DNAJC10: variants seen among roughly 807,000 people sequenced by gnomAD.
DNAJC10 encodes the protein endoplasmic reticulum disulfide reductase DNAJC10.
A neutral mutation model predicts 115.0 loss-of-function variants in DNAJC10; 101 were observed. That is an observed-to-expected ratio of 0.88 (90% CI 0.75 to 1.04). The LOEUF (loss-of-function observed/expected upper bound fraction) is 1.04. DNAJC10 is among the 50% of genes least tolerant of loss of function. DNAJC10 has a pLI of 0.00. For missense variants in DNAJC10, 981 were observed against 928.8 expected (o/e 1.06, Z -0.73); for synonymous variants, 307 against 301.5 (o/e 1.02, Z -0.19).
At chr2:182,769,266 A>C (rs1342860229) in intron 22 of DNAJC10, among the ~76,000 whole-genome samples, 1 of 152,110 alleles carries the variant, frequency 6.6e-6, no homozygotes, top group Non-Finnish European at 1.5e-5. Flanking sequence ...TGCTATTGTG[A>C]ATAGTGCTGC....
chr2:182,739,619 CAAAT>C (rs1409117982), intron 11 of DNAJC10: 1 of 1,138,288 alleles, frequency 8.8e-7, no homozygotes, highest in African/African-American at 1.6e-5. Flanking sequence ...AAAATATTGA[CAAAT>C]AAAGAAGATT....
At chr2:182,736,089 A>G (rs1297319203) in intron 10 of DNAJC10, among the ~76,000 whole-genome samples, 160 bp from the exon 11 acceptor site, 3 of 149,180 alleles carry the variant, frequency 2.0e-5, no homozygotes, top group Non-Finnish European at 4.5e-5. Flanking sequence ...TAAGTAATTT[A>G]TAATATTAGA....
chr2:182,756,799 T>C (rs1449993698), intron 18 of DNAJC10, among the ~76,000 whole-genome samples: 1 of 152,060 alleles, frequency 6.6e-6, no homozygotes, highest in Non-Finnish European at 1.5e-5. Flanking sequence ...CCACCACGCC[T>C]AGCTAATTTT....
chr2:182,741,773 T>C (rs1171829075), intron 13 of DNAJC10, among the ~76,000 whole-genome samples: 1 of 152,194 alleles, frequency 6.6e-6, no homozygotes, highest in Non-Finnish European at 1.5e-5. Flanking sequence ...ATGTATTTAC[T>C]CTATATAACC....
At chr2:182,717,445 A>G (rs1330174873) in intron 2 of DNAJC10, among the ~76,000 whole-genome samples, 4 of 151,722 alleles carry the variant, frequency 2.6e-5, no homozygotes, top group African/African-American at 7.3e-5. Context: ...TTATAACAAT[A>G]TATTTCACTG....
At chr2:182,730,544 A>G (rs1321543400) in intron 8 of DNAJC10, 1 of 453,540 alleles carries the variant, frequency 2.2e-6, no homozygotes, top group South Asian at 1.6e-5. Flanking sequence ...AGCTTAAGGG[A>G]GCATAAGATG....
At chr2:182,770,448 C>T (rs1050643706) in intron 22 of DNAJC10, among the ~76,000 whole-genome samples, 1 of 152,172 alleles carries the variant, frequency 6.6e-6, no homozygotes, top group African/African-American at 2.4e-5. Context: ...TATCCATTAG[C>T]ATGGAATATT....
At chr2:182,762,604 T>G in intron 21 of DNAJC10, 78 bp from the exon 22 acceptor site, 1 of 1,426,012 alleles carries the variant, frequency 7.0e-7, no homozygotes, top group Non-Finnish European at 9.7e-7. Context: ...TTCAAAATGT[T>G]TTATATCCTA....
intron 22 of DNAJC10, among the ~76,000 whole-genome samples, chr2:182,772,266 A>T (rs1427479207): frequency 6.6e-6 from 1 of 152,152 alleles, no homozygotes; most frequent in Non-Finnish European, 1.5e-5. Context: ...GAATAAGTGC[A>T]GTGTAGTTCT....
chr2:182,776,442 C>T (rs559008991), intron 23 of DNAJC10, among the ~76,000 whole-genome samples: 3 of 152,272 alleles, frequency 2.0e-5, no homozygotes, highest in African/African-American at 4.8e-5. Flanking sequence ...AACAAAGAGT[C>T]TATGAATGTT....
chr2:182,721,749 A>G (rs1693154852), intron 4 of DNAJC10, among the ~76,000 whole-genome samples: 1 of 152,104 alleles, frequency 6.6e-6, no homozygotes, highest in Non-Finnish European at 1.5e-5. Flanking sequence ...ACCATAATAT[A>G]AATTTTATAT....
intron 14 of DNAJC10, among the ~76,000 whole-genome samples, chr2:182,750,500 A>T (rs1693987787): frequency 6.6e-6 from 1 of 152,188 alleles, no homozygotes; most frequent in Admixed American, 6.6e-5. Flanking sequence ...GAGGAAAATA[A>T]CACAGCCTCA....
chr2:182,772,816 AT>A (rs1250422358), intron 22 of DNAJC10, among the ~76,000 whole-genome samples: 1 of 152,154 alleles, frequency 6.6e-6, no homozygotes, highest in Non-Finnish European at 1.5e-5. Context: ...GTGTCTTTTA[AT>A]TGGGGCATTT....
At position 182,751,699 on chromosome 2, in the gene DNAJC10, A is replaced by G; in HGVS notation, c.1348A>G (p.Ser450Gly). The change falls in exon 15 of 24, where the codon AGT becomes GGT. Residue 450 changes from serine to glycine, a missense_variant. Ser to Gly is a moderately conservative substitution (Grantham distance 56, BLOSUM62 0). Transcript: ENST00000264065. ...TGATATACTTGCCTTTGCCAAAGAA[A>G]GTGTGAATTCTCATGTTACCACGCT... is the stretch of plus-strand genomic sequence containing the variant. ...LYDILAFAKE[S>G]VNSHVTTLGP... 1 of 1,613,996 alleles carries G rather than the reference A, an allele frequency of 6.2e-7. No homozygotes were observed. The highest frequency in any genetic ancestry group is 1.3e-5 in the African/African-American group (1 of 75,062).
rs1484494009 is a variant in DNAJC10 at position 182,779,207 on chromosome 2, AG to A, written c.*2077del. ...ACGTATCATAAAGTGACATACATCA[AG>A]GTTATCTTATATAGTCATAACAGTA... is the stretch of plus-strand genomic sequence containing the variant. On this transcript the variant is annotated 3_prime_UTR_variant, in exon 24 of 24. Transcript: ENST00000264065. 2 of 152,208 alleles carry A rather than the reference AG, an allele frequency of 1.3e-5. No homozygotes were observed. The highest frequency in any genetic ancestry group is 2.9e-5 in the Non-Finnish European group (2 of 68,036). 9.4% of individuals were successfully genotyped at this position (152,208 alleles called of 1,614,324 possible).
Position 182,741,346 on chromosome 2 carries a change from ATCATAT to A in DNAJC10, c.1185_1190del (p.His395_Ile396del). On this transcript the variant is annotated inframe_deletion, in exon 13 of 24. Coordinates refer to ENST00000264065, the MANE Select transcript of DNAJC10 (RefSeq NM_018981.4). ...AAACTAAAAACTCTACTTAAAAATGATCATATTCAAGTAAGAAAAATGTATTCTGCC... is the reference window on the plus strand; with the variant it reads ...AAACTAAAAACTCTACTTAAAAATGATCAAGTAAGAAAAATGTATTCTGCC... 6.5e-7 allele frequency: 1 copy of A among 1,544,054 alleles called. No individual in the cohort carries two copies. Among genetic ancestry groups the A allele is most frequent in the Non-Finnish European group, 8.8e-7 (1 of 1,130,536 alleles).
At chr2:182,756,185 A>T (rs1201288401) in intron 17 of DNAJC10, 129 bp from the exon 18 acceptor site, 1 of 766,278 alleles carries the variant, frequency 1.3e-6, no homozygotes, top group Non-Finnish European at 1.9e-6. Flanking sequence ...AATATTCCAA[A>T]ATTCAAAATT....
In DNAJC10 at chr2:182,791,522, T is replaced by C. The variant is rs942337152; in HGVS notation, c.*14390T>C. 6.6e-6 allele frequency: 1 copy of C among 152,212 alleles called. No individual in the cohort carries two copies. Among genetic ancestry groups the C allele is most frequent in the African/African-American group, 2.4e-5 (1 of 41,464 alleles). The allele number at this position is 152,212 out of a possible 1,614,324, so 9.4% of individuals were successfully genotyped here. On this transcript the variant is annotated 3_prime_UTR_variant, in exon 24 of 24. Coordinates refer to ENST00000264065, the MANE Select transcript of DNAJC10 (RefSeq NM_018981.4). ...CTGGGGAAAGTAGCTCTGTCCATAATGATTATATAGTTGTTAGCAAAATAT... is the reference window on the plus strand; with the variant it reads ...CTGGGGAAAGTAGCTCTGTCCATAACGATTATATAGTTGTTAGCAAAATAT...
At position 182,746,802 on chromosome 2, in the gene DNAJC10, T is replaced by G. The variant is rs1416935601; in HGVS notation, c.1306+3090T>G. Among the ~76,000 whole-genome samples the G allele has an allele frequency of 8.1e-3, 1,233 of 152,118 alleles. 13 individuals carry two copies. Among genetic ancestry groups the G allele is most frequent in the African/African-American group, 0.028 (1,164 of 41,452 alleles). On this transcript the variant is annotated intron_variant, in intron 14 of 23. Coordinates refer to ENST00000264065, the MANE Select transcript of DNAJC10 (RefSeq NM_018981.4). ...TTGTTGTTTTAGACATGAAGTCCTT[T>G]CCCATGCCTGTGTCCTGAATGGTAA...
Sources: allele counts gnomAD v4.1 joint callset (sites outside exome capture counted in the v4.1 genomes callset), GRCh38; gene constraint gnomAD v4.1.1; transcripts MANE v1.5; gene names NCBI Gene and HGNC (gene_info 2026-07-23, HGNC 2026-07-21).